RAPGEF3: variants seen among roughly 807,000 people sequenced by gnomAD.
RAPGEF3 encodes the protein Rap guanine nucleotide exchange factor 3.
In RAPGEF3, 103 loss-of-function variants were observed where a neutral mutation model predicts 129.8. The ratio of observed to expected loss-of-function variants is 0.79; its 90% confidence interval spans 0.68 to 0.93. The LOEUF (loss-of-function observed/expected upper bound fraction) is 0.93. Among genes scored for constraint, RAPGEF3 ranks in the 40% least tolerant of loss-of-function variants. RAPGEF3 has a pLI of 0.00. For synonymous variants in RAPGEF3, 436 were observed against 482.6 expected (o/e 0.90, Z 1.26); for missense variants, 1,117 against 1,207.4 (o/e 0.93, Z 1.11).
At chr12:47,743,928 G>A in intron 17 of RAPGEF3, 59 bp downstream of exon 17, 1 of 1,512,730 alleles carries the variant, frequency 6.6e-7, no homozygotes, top group South Asian at 1.1e-5. Context: ...CAGGACAAGA[G>A]AGGCAGAGAC....
At chr12:47,758,315 C>G in intron 1 of RAPGEF3, 1 of 1,434,626 alleles carries the variant, frequency 7.0e-7, no homozygotes, top group Non-Finnish European at 9.1e-7. Context: ...CCTTCTTAGT[C>G]CTCTTTGGAA....
Position 47,740,985 on chromosome 12 carries a change from A to G in RAPGEF3, c.1979T>C (p.Leu660Pro), listed in dbSNP as rs80097705. Residue 660 changes from leucine (L) to proline (P), a missense_variant, in exon 20 of 28, where the codon CTG (leucine) becomes CCG (proline). By Grantham distance (98) the Leu-to-Pro change is moderately conservative. Transcript: ENST00000449771. ...GCCTGCCAGGTCCTTGGCACTCACC[A>G]GGTCCAGCCCCTCAGCAGAGCCCAC... Reference protein sequence around the residue: ...PTVGSAEGLDLVSAKDLAGQL... With the variant: ...PTVGSAEGLDPVSAKDLAGQL... 3.7e-6 allele frequency: 6 copies of G among 1,613,476 alleles called. No homozygotes were observed. The East Asian group carries it at 1.1e-4, about 30-fold the overall frequency.
At position 47,749,580 on chromosome 12, in the gene RAPGEF3, C is replaced by T. The variant is rs375125789; in HGVS notation, c.895-44G>A. ...CTCAGCCCGCCCCTGCCGCCCCTGC[C>T]GCCCCCAGCTCTTGCCAGGACAGAC... On this transcript the variant is annotated intron_variant, in intron 9 of 27. Coordinates refer to ENST00000449771, the MANE Select transcript of RAPGEF3 (RefSeq NM_001098531.4). The surrounding 1 kb of genome is among the most constrained non-coding windows in gnomAD (Gnocchi z 4.5). 83 of 1,557,678 alleles carry T rather than the reference C, an allele frequency of 5.3e-5. 2 individuals are homozygous for T. Among genetic ancestry groups the T allele is most frequent in the African/African-American group, 6.8e-5 (5 of 73,552 alleles).
At chr12:47,755,461 A>G (rs1030230155) in intron 2 of RAPGEF3, among the ~76,000 whole-genome samples, 24 of 152,192 alleles carry the variant, frequency 1.6e-4, no homozygotes, top group African/African-American at 5.1e-4. Context: ...AAGAACAGTC[A>G]CACAAAGAGA....
chr12:47,739,134 C>T lies in RAPGEF3; in HGVS notation c.2461+9G>A, dbSNP rs1037776691. 2 of 1,578,242 alleles carry T rather than the reference C, an allele frequency of 1.3e-6. No individual in the cohort carries two copies. Among genetic ancestry groups the T allele is most frequent in the Non-Finnish European group, 1.7e-6 (2 of 1,154,788 alleles). ...GGAATGGAGGGATGGAGGCAGGAAG[C>T]CCTGTTACCTTTGAGAAGAAGGGGC... On this transcript the variant is annotated intron_variant, in intron 24 of 27. Coordinates refer to ENST00000449771, the MANE Select transcript of RAPGEF3 (RefSeq NM_001098531.4).
Position 47,744,085 on chromosome 12 carries a change from C to A in RAPGEF3, c.1597-17G>T. On this transcript the variant is annotated splice_polypyrimidine_tract_variant and intron_variant, in intron 16 of 27. Coordinates refer to ENST00000449771, the MANE Select transcript of RAPGEF3 (RefSeq NM_001098531.4). ...GTTCCGGGCCTGGGAGGAAGAGGAA[C>A]GAGAAAATAAGGCTGGGAGGACATG... 1 of 1,565,518 alleles carries A rather than the reference C, an allele frequency of 6.4e-7. No individual in the cohort carries two copies. The highest frequency in any genetic ancestry group is 8.8e-7 in the Non-Finnish European group (1 of 1,137,672).
chr12:47,740,578 G>C, intron 21 of RAPGEF3, 64 bp downstream of exon 21: 1 of 1,559,184 alleles, frequency 6.4e-7, no homozygotes, highest in Admixed American at 1.8e-5. Context: ...AGCAAAGAGG[G>C]GGGCTTAGGA....
chr12:47,737,985 C>T (rs1940884061), intron 27 of RAPGEF3, 37 bp downstream of exon 27: 2 of 1,544,068 alleles, frequency 1.3e-6, no homozygotes, highest in Admixed American at 1.7e-5. Flanking sequence ...ACCATAAGCA[C>T]CCCCTCCCTG....
chr12:47,739,311 G>T, intron 23 of RAPGEF3, 81 bp from the exon 24 acceptor site: 2 of 1,102,830 alleles, frequency 1.8e-6, no homozygotes, highest in Non-Finnish European at 2.7e-6. Flanking sequence ...GGGGCCACAT[G>T]CCCATCCCAC....
At chr12:47,740,855 T>G in intron 20 of RAPGEF3, 32 bp from the exon 21 acceptor site, 1 of 1,613,434 alleles carries the variant, frequency 6.2e-7, no homozygotes, top group South Asian at 1.1e-5. Flanking sequence ...GGTCAGCGAG[T>G]GCTGAGCCGA....
At chr12:47,748,976 C>G (rs371619217) in intron 10 of RAPGEF3, 45 bp from the exon 11 acceptor site, 4 of 1,463,030 alleles carry the variant, frequency 2.7e-6, no homozygotes, top group Non-Finnish European at 3.8e-6. Flanking sequence ...GATGTTCCAG[C>G]TTTAGACCCT....
At chr12:47,747,367 G>C (rs1941480443) in intron 15 of RAPGEF3, among the ~76,000 whole-genome samples, 177 bp downstream of exon 15, 1 of 152,218 alleles carries the variant, frequency 6.6e-6, no homozygotes, top group Non-Finnish European at 1.5e-5. Context: ...TGATGCATGA[G>C]AATGGAGGGA....
chr12:47,744,583 C>T (rs11615078), intron 16 of RAPGEF3: 22,092 of 162,874 alleles, frequency 0.14, 1,981 homozygotes, highest in East Asian at 0.37. Context: ...TCCTTTCCCC[C>T]TCTGTGCTCC....
chr12:47,737,956 G>A, intron 27 of RAPGEF3, 66 bp downstream of exon 27: 1 of 1,533,688 alleles, frequency 6.5e-7, no homozygotes, highest in South Asian at 1.1e-5. Context: ...TGCCTAGGAT[G>A]TGCCAGCCAT....
chr12:47,745,338 C>T (rs1314823528), intron 16 of RAPGEF3: 2 of 152,322 alleles, frequency 1.3e-5, no homozygotes, highest in Admixed American at 1.3e-4. Flanking sequence ...TTTAGCTGAC[C>T]TATTCAAAAC....
Position 47,749,623 on chromosome 12 carries a change from C to A in RAPGEF3, c.895-87G>T. 1 of 1,552,002 alleles carries A rather than the reference C, an allele frequency of 6.4e-7. No individual in the cohort carries two copies. The highest frequency in any genetic ancestry group is 8.7e-7 in the Non-Finnish European group (1 of 1,147,452). The stretch of plus-strand genomic sequence containing the variant: ...GGACAGACCCACGGCAGGAGAACAA[C>A]CCACACAGGAGACACGGGGTCAGCA... On this transcript the variant is annotated intron_variant, in intron 9 of 27. Transcript: ENST00000449771. The surrounding 1 kb of genome is among the most constrained non-coding windows in gnomAD (Gnocchi z 4.5).
intron 16 of RAPGEF3, chr12:47,744,432 T>C: frequency 3.8e-6 from 1 of 261,500 alleles, no homozygotes; most frequent in South Asian, 6.3e-5. Flanking sequence ...ATTCTGAGGA[T>C]CTAAATATTC....
rs1240021253 is a variant in RAPGEF3, at chr12:47,751,799, T to C, written c.304A>G (p.Arg102Gly). The C allele has an allele frequency of 1.2e-5, 20 of 1,613,942 alleles. No homozygotes were observed. The South Asian group carries it at 2.1e-4, about 17-fold the overall frequency. Residue 102 changes from arginine to glycine, a missense_variant, in exon 4 of 28, where the codon AGG (arginine) becomes GGG (glycine). By Grantham distance (125) the Arg-to-Gly change is moderately radical (BLOSUM62 -2). This residue lies in a region of RAPGEF3 where 367 missense variants were observed against 373.4 expected (regional missense o/e 0.98). Transcript: ENST00000449771. ...ASTERVLRAG[R>G]QLHRHLLATC... is the part of the protein sequence containing the mutation. ...GCCAGCAGATGCCGATGCAGCTGCC[T>C]CCCAGCCCTGAGCACCCGCTCTGTG...
rs747152036 is a variant in RAPGEF3 at position 47,757,980 on chromosome 12, C to T, written c.105G>A (p.Val35=). 1 of 1,567,918 alleles carries T rather than the reference C, an allele frequency of 6.4e-7. No individual in the cohort carries two copies. Among genetic ancestry groups the T allele is most frequent in the South Asian group, 1.2e-5 (1 of 85,328 alleles). Residue 35 remains valine, a synonymous_variant, in exon 2 of 28, where the codon GTG becomes GTA. Transcript: ENST00000449771. The part of the protein sequence containing the change: ...APRVGALPDV[V]PEGTLLNMVL... ...CCATGTTGAGTAGTGTCCCCTCCGGCACCACGTCAGGGAGGGCTCCCACCC... is the reference window on the plus strand; with the variant it reads ...CCATGTTGAGTAGTGTCCCCTCCGGTACCACGTCAGGGAGGGCTCCCACCC...
Sources: allele counts gnomAD v4.1 joint callset (sites outside exome capture counted in the v4.1 genomes callset), GRCh38; gene constraint gnomAD v4.1.1; regional missense constraint gnomAD v4.1.1; non-coding constraint Gnocchi (gnomAD v3.1); transcripts MANE v1.5; gene names NCBI Gene and HGNC (gene_info 2026-07-23, HGNC 2026-07-21).